The following MS4A6A variants were observed in gnomAD, a reference collection of about 807,000 sequenced individuals.
MS4A6A encodes membrane-spanning 4-domains subfamily A member 6A.
MS4A6A carries 19 observed loss-of-function variants against 20.6 expected under a neutral mutation model. The observed-to-expected ratio is 0.92, with a 90% CI of 0.64 to 1.36. MS4A6A has a LOEUF of 1.36. Among genes scored for constraint, MS4A6A ranks in the 40% most tolerant of loss-of-function variants. The pLI is 0.00. For missense variants in MS4A6A, 272 were observed against 261.1 expected, an observed-to-expected ratio of 1.04 and a Z score of -0.29; for synonymous variants, 108 against 105.0, an observed-to-expected ratio of 1.03 and a Z score of -0.17.
At chr11:60,173,864 G>T (rs1220267305) in intron 5 of MS4A6A, among the ~76,000 whole-genome samples, 1 of 152,082 alleles carries the variant, frequency 6.6e-6, no homozygotes, top group African/African-American at 2.4e-5. Flanking sequence ...CATTCTTTGT[G>T]CAGAACTGGC....
intron 3 of MS4A6A, among the ~76,000 whole-genome samples, chr11:60,179,227 C>T (rs1424434720): frequency 6.6e-6 from 1 of 150,786 alleles, no homozygotes; most frequent in Non-Finnish European, 1.5e-5. Context: ...ATGAGAAAGC[C>T]CCCATCTTAG....
chr11:60,175,935 C>T (rs945318447), intron 4 of MS4A6A, among the ~76,000 whole-genome samples: 7 of 152,172 alleles, frequency 4.6e-5, no homozygotes, highest in Non-Finnish European at 7.3e-5. Context: ...ACCAAGAGAG[C>T]GTGACCCAAA....
chr11:60,174,559 C>T (rs150033837), intron 5 of MS4A6A, among the ~76,000 whole-genome samples: 34 of 152,194 alleles, frequency 2.2e-4, no homozygotes, highest in South Asian at 1.2e-3. Flanking sequence ...CACCTGACCT[C>T]GTGATCCATG....
In MS4A6A at chr11:60,178,241, T is replaced by G; in HGVS notation, c.339+19A>C. On this transcript the variant is annotated intron_variant, in intron 4 of 5. Coordinates refer to ENST00000528851, the MANE Select transcript of MS4A6A (RefSeq NM_022349.4). ...TTATTTTGATCCATTGGGTTGTGGG[T>G]TATAGCTCTCTTACTCACCAAAAGC... is the stretch of plus-strand genomic sequence containing the variant. 1 of 1,603,630 alleles carries G rather than the reference T, an allele frequency of 6.2e-7. No individual in the cohort carries two copies. The highest frequency in any genetic ancestry group is 8.5e-7 in the Non-Finnish European group (1 of 1,170,520).
intron 4 of MS4A6A, chr11:60,177,220 A>G (rs2134780682): frequency 6.6e-6 from 1 of 152,356 alleles, no homozygotes; most frequent in African/African-American, 2.4e-5. Context: ...AGATCTAGTT[A>G]GTAGTTCCGA....
rs1356247626 is a variant in MS4A6A, at chr11:60,172,963, A to G, written c.*38T>C. ...TTCCTTCTACCACTCTTGGTGACAT[A>G]CTCAACACAGTGCAGGGATAAGATA... is the stretch of plus-strand genomic sequence containing the variant. On this transcript the variant is annotated 3_prime_UTR_variant, in exon 6 of 6. Transcript: ENST00000528851. The G allele has an allele frequency of 6.2e-7, 1 of 1,612,644 alleles. No homozygotes were observed. Among genetic ancestry groups the G allele is most frequent in the East Asian group, 2.2e-5 (1 of 44,830 alleles).
At chr11:60,177,860 TCAAGGG>T in intron 4 of MS4A6A, 1 of 217,922 alleles carries the variant, frequency 4.6e-6, no homozygotes, top group African/African-American at 2.4e-5. Flanking sequence ...CATTTTTTTT[TCAAGGG>T]TTGTAACACC....
intron 5 of MS4A6A, among the ~76,000 whole-genome samples, chr11:60,173,491 C>T (rs1856687057): frequency 6.6e-6 from 1 of 152,202 alleles, no homozygotes; most frequent in Non-Finnish European, 1.5e-5. Context: ...TCCAGTCTCA[C>T]CTTTACTGCT....
chr11:60,181,501 C>A (rs1442172610), intron 2 of MS4A6A, 80 bp downstream of exon 2: 1 of 1,565,462 alleles, frequency 6.4e-7, no homozygotes, highest in Non-Finnish European at 8.7e-7. Flanking sequence ...ACACTCACGA[C>A]AGATGTCCAG....
chr11:60,179,673 C>T (rs752690683), intron 3 of MS4A6A, 158 bp downstream of exon 3: 3 of 772,684 alleles, frequency 3.9e-6, no homozygotes, highest in Non-Finnish European at 6.8e-6. Flanking sequence ...TAAAATCAAG[C>T]AACCCCTGTC....
At chr11:60,180,990 T>C (rs1384415748) in intron 2 of MS4A6A, 1 of 452,264 alleles carries the variant, frequency 2.2e-6, no homozygotes, top group Non-Finnish European at 4.4e-6. Context: ...ATCACATAAG[T>C]GCAGAGGCAA....
chr11:60,175,040 TCTC>T (rs1310593331), intron 5 of MS4A6A, among the ~76,000 whole-genome samples: 1 of 152,104 alleles, frequency 6.6e-6, no homozygotes, highest in Non-Finnish European at 1.5e-5. Context: ...CCTATTCTGA[TCTC>T]CTGGGTCTTT....
Position 60,175,535 on chromosome 11 carries a change from T to C in MS4A6A, c.416A>G (p.Gln139Arg). 6.2e-7 allele frequency: 1 copy of C among 1,614,184 alleles called. No individual in the cohort carries two copies. The highest frequency in any genetic ancestry group is 8.5e-7 in the Non-Finnish European group (1 of 1,180,048). ...LVGFIILSVK[Q>R]ATLNPASLQC... Reference sequence around the variant, plus strand: ...CAGTGAGGCAGGATTTAAGGTGGCCTGTTTGACAGACAGGATAATGAAACC... The same window carrying C: ...CAGTGAGGCAGGATTTAAGGTGGCCCGTTTGACAGACAGGATAATGAAACC... The change falls in exon 5 of 6, where the codon CAG becomes CGG. Residue 139 changes from glutamine to arginine, a missense_variant. By Grantham distance (43) the Gln-to-Arg change is conservative. Transcript: ENST00000528851.
downstream of MS4A6A, chr11:60,172,103 C>T: frequency 3.2e-6 from 5 of 1,552,694 alleles, no homozygotes; most frequent in Non-Finnish European, 4.4e-6. Context: ...TAATGGTTAA[C>T]TTTTCCATAT....
At chr11:60,182,062 T>A (rs191777176) in intron 1 of MS4A6A, among the ~76,000 whole-genome samples, 2 of 152,326 alleles carry the variant, frequency 1.3e-5, no homozygotes, top group East Asian at 3.9e-4. Context: ...CTAGTCCTAC[T>A]GACAACAACT....
intron 5 of MS4A6A, among the ~76,000 whole-genome samples, chr11:60,173,828 T>C (rs1408922914): frequency 2.0e-5 from 3 of 152,168 alleles, no homozygotes; most frequent in African/African-American, 7.2e-5. Flanking sequence ...CTCACAAGAA[T>C]GAATTCTATC....
chr11:60,177,254 T>C (rs1017003808), intron 4 of MS4A6A: 1 of 152,168 alleles, frequency 6.6e-6, no homozygotes, highest in South Asian at 2.1e-4. Context: ...TTCCAAATAA[T>C]AATCTCTAAA....
In MS4A6A at chr11:60,181,730, T is replaced by C. The variant is rs1395324954; in HGVS notation, c.-3A>G. On this transcript the variant is annotated 5_prime_UTR_variant, in exon 2 of 6. Transcript: ENST00000528851. ...TTGGGAACAGGTTGTGATGTCATGATGGTGTTGCCAACTATGTAAGAAAAA... is the reference window on the plus strand; with the variant it reads ...TTGGGAACAGGTTGTGATGTCATGACGGTGTTGCCAACTATGTAAGAAAAA... The C allele has an allele frequency of 3.1e-6, 5 of 1,614,062 alleles. No homozygotes were observed. The highest frequency in any genetic ancestry group is 1.1e-5 in the South Asian group (1 of 91,082).
At position 60,178,334 on chromosome 11, in the gene MS4A6A, A is replaced by T. The variant is rs749008521; in HGVS notation, c.283-18T>A. 6.2e-7 allele frequency: 1 copy of T among 1,611,398 alleles called. No homozygotes were observed. The highest frequency in any genetic ancestry group is 8.5e-7 in the Non-Finnish European group (1 of 1,177,772). ...ATGATAAACTAAGATAAAAGAGAAA[A>T]TGGTCAGGTCAGATTCCATGTACAG... On this transcript the variant is annotated intron_variant, in intron 3 of 5. Coordinates refer to ENST00000528851, the MANE Select transcript of MS4A6A (RefSeq NM_022349.4).
Sources: gnomAD v4.1 joint callset for allele counts (sites outside exome capture counted in the v4.1 genomes callset) on GRCh38, gnomAD v4.1.1 for gene constraint, MANE v1.5 for transcripts, NCBI Gene and HGNC (gene_info 2026-07-23, HGNC 2026-07-21) for gene names.